Variants in SGCZ observed in about 807,000 individuals in gnomAD.
SGCZ encodes zeta-sarcoglycan.
SGCZ carries 40 observed loss-of-function variants against 41.3 expected under a neutral mutation model. That is an observed-to-expected ratio of 0.97 (90% CI 0.75 to 1.26). The LOEUF is 1.26. Among genes scored for constraint, SGCZ ranks in the 50% most tolerant of loss-of-function variants. SGCZ has a pLI of 0.00. For synonymous variants in SGCZ, 206 were observed against 137.5 expected (o/e 1.50, Z -3.49); for missense variants, 552 against 369.8 (o/e 1.49, Z -4.04).
intron 1 of SGCZ, among the ~76,000 whole-genome samples, chr8:15,172,049 G>T (rs994833127): frequency 1.3e-5 from 2 of 150,750 alleles, no homozygotes; most frequent in African/African-American, 2.4e-5. Context: ...TGTGAAAAAT[G>T]CCAATTTCTA....
At chr8:14,687,802 G>C (rs953551550) in intron 1 of SGCZ, among the ~76,000 whole-genome samples, 1 of 151,934 alleles carries the variant, frequency 6.6e-6, no homozygotes, top group African/African-American at 2.4e-5. Flanking sequence ...CTAGTTTACA[G>C]TCCCACCAAT....
chr8:14,607,676 T>C (rs1805795834), intron 1 of SGCZ, among the ~76,000 whole-genome samples: 1 of 149,814 alleles, frequency 6.7e-6, no homozygotes, highest in Non-Finnish European at 1.5e-5. Flanking sequence ...AGATAGAAAG[T>C]AGTATTGATC....
At chr8:14,765,957 A>G (rs1302405508) in intron 1 of SGCZ, among the ~76,000 whole-genome samples, 1 of 148,784 alleles carries the variant, frequency 6.7e-6, no homozygotes, top group Non-Finnish European at 1.5e-5. Flanking sequence ...CAACTCTTGC[A>G]TATGATAGTC....
intron 3 of SGCZ, among the ~76,000 whole-genome samples, chr8:14,301,563 C>T (rs1801190852): frequency 6.6e-6 from 1 of 152,090 alleles, no homozygotes; most frequent in Non-Finnish European, 1.5e-5. Flanking sequence ...TACATGAAAT[C>T]TGGGGTGATA....
intron 4 of SGCZ, among the ~76,000 whole-genome samples, chr8:14,172,101 G>T (rs1438420658): frequency 1.3e-5 from 2 of 152,122 alleles, no homozygotes; most frequent in African/African-American, 4.8e-5. Flanking sequence ...AAGATGACCA[G>T]ATAAGGTATT....
At chr8:14,264,097 G>T (rs1417853348) in intron 3 of SGCZ, among the ~76,000 whole-genome samples, 1 of 152,190 alleles carries the variant, frequency 6.6e-6, no homozygotes, top group East Asian at 1.9e-4. Context: ...GTGGTTTACA[G>T]CAGCCTCAGA....
intron 2 of SGCZ, among the ~76,000 whole-genome samples, chr8:14,335,390 A>AT (rs1178392536): frequency 6.6e-5 from 10 of 151,934 alleles, no homozygotes; most frequent in African/African-American, 1.2e-4. Flanking sequence ...CCAAGGATGA[A>AT]TTTTTTTTCC....
chr8:15,237,558 G>C (rs751640176), intron 1 of SGCZ, 27 bp downstream of exon 1: 1 of 1,583,660 alleles, frequency 6.3e-7, no homozygotes, highest in African/African-American at 1.3e-5. Flanking sequence ...AGAAGCGGCC[G>C]CGAAGCCCGC....
At chr8:14,410,737 T>C (rs1344622048) in intron 2 of SGCZ, among the ~76,000 whole-genome samples, 1 of 152,082 alleles carries the variant, frequency 6.6e-6, no homozygotes, top group Admixed American at 6.6e-5. Flanking sequence ...GTAATAAACC[T>C]GCACGTTTTG....
chr8:14,313,702 G>A (rs1801619027), intron 3 of SGCZ, among the ~76,000 whole-genome samples: 1 of 152,150 alleles, frequency 6.6e-6, no homozygotes. Flanking sequence ...TTAAAGATAT[G>A]TAATATTGAC....
At chr8:14,967,143 G>A (rs1368464278) in intron 1 of SGCZ, among the ~76,000 whole-genome samples, 2 of 152,118 alleles carry the variant, frequency 1.3e-5, no homozygotes, top group East Asian at 1.9e-4. Flanking sequence ...ATAGCATCCA[G>A]TGTCATACAG....
intron 1 of SGCZ, among the ~76,000 whole-genome samples, chr8:15,070,128 T>C (rs574238943): frequency 6.6e-6 from 1 of 152,182 alleles, no homozygotes; most frequent in Admixed American, 6.6e-5. Flanking sequence ...AACTAGCCAA[T>C]GAAAGATACC....
intron 1 of SGCZ, among the ~76,000 whole-genome samples, chr8:14,854,231 G>T (rs570735804): frequency 1.3e-5 from 2 of 151,474 alleles, no homozygotes; most frequent in East Asian, 3.9e-4. Flanking sequence ...ACTTGTAAAT[G>T]TTGGGCTTTT....
At chr8:15,213,202 A>T (rs535341233) in intron 1 of SGCZ, among the ~76,000 whole-genome samples, 1 of 152,156 alleles carries the variant, frequency 6.6e-6, no homozygotes, top group East Asian at 1.9e-4. Context: ...GGAAAATTAA[A>T]GTCTAGTAGT....
chr8:15,080,552 G>A (rs2124028), intron 1 of SGCZ, among the ~76,000 whole-genome samples: 94,007 of 151,832 alleles, frequency 0.62, 30,784 homozygotes, highest in Non-Finnish European at 0.74. Flanking sequence ...TAATTAAAAG[G>A]TCATTAGGGT....
chr8:14,934,028 A>G (rs1800007708), intron 1 of SGCZ, among the ~76,000 whole-genome samples: 1 of 152,018 alleles, frequency 6.6e-6, no homozygotes, highest in African/African-American at 2.4e-5. Flanking sequence ...CAATTATCAG[A>G]ATTTTCCCTA....
chr8:15,088,114 G>T (rs1806016316), intron 1 of SGCZ, among the ~76,000 whole-genome samples: 1 of 152,064 alleles, frequency 6.6e-6, no homozygotes, highest in Admixed American at 6.6e-5. Flanking sequence ...ACCATTTTCT[G>T]AGTATTCATA....
chr8:14,884,412 C>G (rs530709279), intron 1 of SGCZ, among the ~76,000 whole-genome samples: 1 of 151,666 alleles, frequency 6.6e-6, no homozygotes, highest in African/African-American at 2.4e-5. Flanking sequence ...GATAAATGAA[C>G]TATTTATTTA....
intron 2 of SGCZ, among the ~76,000 whole-genome samples, chr8:14,429,156 T>C (rs777747932): frequency 5.3e-5 from 8 of 152,198 alleles, no homozygotes; most frequent in Non-Finnish European, 1.0e-4. Context: ...TGTGGGCTGA[T>C]ACATACAGTA....
Sources: gnomAD v4.1 joint callset for allele counts (sites outside exome capture counted in the v4.1 genomes callset) on GRCh38, gnomAD v4.1.1 for gene constraint, MANE v1.5 for transcripts, NCBI Gene and HGNC (gene_info 2026-07-23, HGNC 2026-07-21) for gene names.